KANK2: variants seen among roughly 807,000 people sequenced by gnomAD.
KANK2 encodes KN motif and ankyrin repeat domains 2, also known as KN motif and ankyrin repeat domain-containing protein 2.
In KANK2, 41 loss-of-function variants were observed where a neutral mutation model predicts 74.6. The ratio of observed to expected loss-of-function variants is 0.55; its 90% CI spans 0.43 to 0.71. KANK2 has a LOEUF of 0.71. Among genes scored for constraint, KANK2 ranks in the 30% least tolerant of loss-of-function variants. The pLI is 0.00. For synonymous variants in KANK2, 537 were observed against 519.0 expected, an observed-to-expected ratio of 1.03 and a Z score of -0.47; for missense variants, 1,148 against 1,196.4, an observed-to-expected ratio of 0.96 and a Z score of 0.60.
chr19:11,171,896 A>G (rs8109410), intron 10 of KANK2, among the ~76,000 whole-genome samples: 30,003 of 147,812 alleles, frequency 0.2, 5,517 homozygotes, highest in African/African-American at 0.5. Context: ...GGCTGGTCTC[A>G]AACTACTGAC....
chr19:11,169,642 A>G (rs1242769585), intron 12 of KANK2: 1 of 584,816 alleles, frequency 1.7e-6, no homozygotes, highest in Admixed American at 3.1e-5. Flanking sequence ...CTCTACTAAA[A>G]ATACAAAAAT....
At chr19:11,188,537 T>C (rs1652722687) in intron 4 of KANK2, among the ~76,000 whole-genome samples, 1 of 151,452 alleles carries the variant, frequency 6.6e-6, no homozygotes, top group South Asian at 2.1e-4. Context: ...TTTTTTAATT[T>C]AGGCTGGGTG....
chr19:11,170,080 C>A lies in KANK2; in HGVS notation c.2380G>T (p.Val794Leu). ...HKEIAGLLLA[V>L]PSCDISLTDR... Reference sequence around the variant, plus strand: ...GTGAGTGAGATGTCACAGCTGGGCACGGCCAGCAGCAGCCCCGCGATCTCC... The same window carrying A: ...GTGAGTGAGATGTCACAGCTGGGCAAGGCCAGCAGCAGCCCCGCGATCTCC... The change falls in exon 11 of 13, where the codon GTG (valine) becomes TTG (leucine). Residue 794 changes from valine (V) to leucine (L), a missense_variant. Physicochemically the swap from Val to Leu is conservative, Grantham distance 32 (BLOSUM62 1). Transcript: ENST00000586659. This position sits in a 1 kb window ranked among gnomAD's most constrained non-coding sequence, Gnocchi z 5.2. 1 of 1,613,638 alleles carries A rather than the reference C, an allele frequency of 6.2e-7. No individual in the cohort carries two copies. The highest frequency in any genetic ancestry group is 1.3e-5 in the African/African-American group (1 of 75,060).
At chr19:11,166,932 G>A (rs1391276948) in intron 12 of KANK2, among the ~76,000 whole-genome samples, 1 of 152,180 alleles carries the variant, frequency 6.6e-6, no homozygotes, top group Non-Finnish European at 1.5e-5. Context: ...GAAACAGCAC[G>A]TGCAAAGGCC....
At chr19:11,188,457 G>C (rs866186379) in intron 4 of KANK2, among the ~76,000 whole-genome samples, 1 of 151,374 alleles carries the variant, frequency 6.6e-6, no homozygotes, top group Middle Eastern at 3.4e-3. Context: ...TGCCCACTTT[G>C]GCCTCCCAAA....
chr19:11,178,814 AG>A (rs2078429428), intron 4 of KANK2, 94 bp from the exon 5 acceptor site: 2 of 1,212,398 alleles, frequency 1.6e-6, no homozygotes, highest in Non-Finnish European at 2.2e-6. Context: ...GAGCTGTAAC[AG>A]GGCTGATTTT....
chr19:11,174,099 G>A (rs1443854705), intron 9 of KANK2, among the ~76,000 whole-genome samples: 1 of 150,082 alleles, frequency 6.7e-6, no homozygotes. Flanking sequence ...AGACTAGGAG[G>A]GCCACATCCC....
rs1489663316 is a variant in KANK2, at chr19:11,178,370, G to C, written c.1495C>G (p.Leu499Val). 1 of 1,530,548 alleles carries C rather than the reference G, an allele frequency of 6.5e-7. No homozygotes were observed. Among genetic ancestry groups the C allele is most frequent in the Non-Finnish European group, 8.7e-7 (1 of 1,145,342 alleles). The allele number at this position is 1,530,548 out of a possible 1,614,324, so 94.8% of individuals were successfully genotyped here. A position where few individuals can be genotyped will look rare whatever the true frequency, so the allele number is the denominator to read the frequency against. The change falls in exon 6 of 13, where the codon CTC (leucine) becomes GTC (valine). Residue 499 changes from leucine to valine, a missense_variant. Leu to Val is a conservative substitution (Grantham distance 32, BLOSUM62 1). Transcript: ENST00000586659. ...CCGCCGTTGACCCCCACGAACTGGA[G>C]GCTCCTCCGGTGGGCCGTGGGGTCT... ...VADPTAHRRSLQFVGVNGGYE... is the reference protein window; with the variant it reads ...VADPTAHRRSVQFVGVNGGYE...
At position 11,178,674 on chromosome 19, in the gene KANK2, G is replaced by A. The variant is rs140982088; in HGVS notation, c.1296C>T (p.Ser432=). The A allele has an allele frequency of 6.3e-5, 98 of 1,544,544 alleles. No homozygotes were observed. In the African/African-American group the frequency reaches 1.2e-3, roughly 18 times the overall value. The change falls in exon 5 of 13, where the codon TCC becomes TCT. Residue 432 remains serine (S), a synonymous_variant. Coordinates refer to ENST00000586659, the MANE Select transcript of KANK2 (RefSeq NM_001136191.3). ...PAESSSSPPG[S]EVASLTQPEK... is the part of the protein sequence containing the mutation. ...CAGGCTGTGTAAGGGAGGCTACCTC[G>A]GACCCCGGGGGTGACGAAGACGATT...
In KANK2 at chr19:11,174,516, C is replaced by G; in HGVS notation, c.2025G>C (p.Val675=). Residue 675 remains valine, a synonymous_variant, in exon 9 of 13, where the codon GTG becomes GTC. Coordinates refer to ENST00000586659, the MANE Select transcript of KANK2 (RefSeq NM_001136191.3). The stretch of plus-strand genomic sequence containing the variant: ...GCACCACGGGGAAGTTGGCATGAGA[C>G]ACGGAGTAGTGCAGGGCTGTGTTGC... ...SNGNTALHYS[V]SHANFPVVQQ... is the part of the protein sequence containing the mutation. 6.2e-7 allele frequency: 1 copy of G among 1,613,526 alleles called. No individual in the cohort carries two copies. Among genetic ancestry groups the G allele is most frequent in the Non-Finnish European group, 8.5e-7 (1 of 1,179,766 alleles).
Position 11,178,688 on chromosome 19 carries a change from A to T in KANK2, c.1282T>A (p.Ser428Thr), listed in dbSNP as rs1256659897. The change falls in exon 5 of 13, where the codon TCA (serine) becomes ACA (threonine). Residue 428 changes from serine to threonine, a missense_variant. Coordinates refer to ENST00000586659, the MANE Select transcript of KANK2 (RefSeq NM_001136191.3). The part of the protein sequence containing the change: ...LPEVPAESSS[S>T]PPGSEVASLT... The stretch of plus-strand genomic sequence containing the variant: ...GAGGCTACCTCGGACCCCGGGGGTG[A>T]CGAAGACGATTCGGCAGGAACTTCT... The T allele has an allele frequency of 6.5e-7, 1 of 1,539,648 alleles. No homozygotes were observed. Among genetic ancestry groups the T allele is most frequent in the African/African-American group, 1.4e-5 (1 of 70,184 alleles).
chr19:11,194,332 G>T, intron 3 of KANK2, 143 bp downstream of exon 3: 1 of 697,078 alleles, frequency 1.4e-6, no homozygotes, highest in Non-Finnish European at 2.4e-6. Context: ...CCCTCCCAGG[G>T]CAGGACTCTG....
chr19:11,174,649 G>T lies in KANK2; in HGVS notation c.1892C>A (p.Ala631Asp), dbSNP rs1340127874. Residue 631 changes from alanine to aspartate, a missense_variant, in exon 9 of 13, where the codon GCC becomes GAC. By Grantham distance (126) the Ala-to-Asp change is moderately radical (BLOSUM62 -2). Transcript: ENST00000586659. ...TTVLQEWLRL[A>D]CRSDAHPELV... ...CTCGGGGTGTGCGTCGCTGCGGCAG[G>T]CCAGGCGCAGCCACTCCTGCAGCAC... 3 of 1,608,778 alleles carry T rather than the reference G, an allele frequency of 1.9e-6. No individual in the cohort carries two copies. Among genetic ancestry groups the T allele is most frequent in the Non-Finnish European group, 2.5e-6 (3 of 1,178,670 alleles).
intron 12 of KANK2, 112 bp downstream of exon 12, chr19:11,169,765 C>T (rs1225308560): frequency 2.3e-6 from 2 of 881,290 alleles, no homozygotes; most frequent in African/African-American, 1.6e-5. Flanking sequence ...CGTGCCACCG[C>T]ACTCCACCCT....
In KANK2 at chr19:11,194,027, G is replaced by A. The variant is rs769948817; in HGVS notation, c.53C>T (p.Ala18Val). 1.9e-6 allele frequency: 3 copies of A among 1,608,412 alleles called. No homozygotes were observed. The South Asian group carries it at 3.3e-5, about 18-fold the overall frequency. ...PAPFPGTPGP[A>V]SPPAFPAKDP... is the part of the protein sequence containing the mutation. The stretch of plus-strand genomic sequence containing the variant: ...CTTGGCAGGGAAGGCAGGTGGGGAG[G>A]CTGGGCCAGGGGTCCCTGGGGATGG... Residue 18 changes from alanine (A) to valine (V), a missense_variant, in exon 4 of 13, where the codon GCC (alanine) becomes GTC (valine). Coordinates refer to ENST00000586659, the MANE Select transcript of KANK2 (RefSeq NM_001136191.3).
At chr19:11,173,816 AGGTGGTGTCTCACTCATTAGACTAGGAG>A (rs1231798835) in intron 9 of KANK2, among the ~76,000 whole-genome samples, 3 of 151,966 alleles carry the variant, frequency 2.0e-5, no homozygotes, top group Admixed American at 1.3e-4. Flanking sequence ...TAGACTGGGA[AGGTGGTGTCTCACTCATTAGACTAGGAG>A]GGTGGTGTCT....
rs1387368411 is a variant in KANK2, at chr19:11,181,722, C to T, written c.1250-3002G>A. 3.3e-5 allele frequency among the ~76,000 whole-genome samples: 5 copies of T among 151,972 alleles called. 1 individual carries two copies. In the South Asian group the frequency reaches 8.3e-4, roughly 25 times the overall value. ...AGTGTGAATGGGCTGGACATAGTGG[C>T]TCACACCTATAATCCCAGGACTTTG... On this transcript the variant is annotated intron_variant, in intron 4 of 12. Coordinates refer to ENST00000586659, the MANE Select transcript of KANK2 (RefSeq NM_001136191.3).
At chr19:11,184,944 C>T (rs1240465059) in intron 4 of KANK2, among the ~76,000 whole-genome samples, 1 of 148,178 alleles carries the variant, frequency 6.7e-6, no homozygotes, top group African/African-American at 2.5e-5. Context: ...TCCCGAGTAG[C>T]TGGGATTACA....
intron 12 of KANK2, among the ~76,000 whole-genome samples, chr19:11,168,630 GTT>G (rs1289441553): frequency 6.6e-6 from 1 of 152,160 alleles, no homozygotes; most frequent in African/African-American, 2.4e-5. Context: ...ACTGTTTTCT[GTT>G]TTGATCAGTG....
Sources: gnomAD v4.1 joint callset for allele counts (sites outside exome capture counted in the v4.1 genomes callset) on GRCh38, gnomAD v4.1.1 for gene constraint, Gnocchi (gnomAD v3.1) non-coding constraint, MANE v1.5 for transcripts, NCBI Gene and HGNC (gene_info 2026-07-23, HGNC 2026-07-21) for gene names.